Variants in PARD3B observed in about 807,000 individuals in gnomAD.
PARD3B encodes the protein par-3 family cell polarity regulator beta, also known as partitioning defective 3 homolog B.
A neutral mutation model predicts 130.2 loss-of-function variants in PARD3B; 103 were observed. That is an observed-to-expected ratio of 0.79 (90% CI 0.67 to 0.93). The LOEUF is 0.93. PARD3B is among the 40% of genes least tolerant of loss of function. The pLI is 0.00. For missense variants in PARD3B, 1,609 were observed against 1,499.2 expected (o/e 1.07, Z -1.21); for synonymous variants, 583 against 553.2 (o/e 1.05, Z -0.76).
intron 18 of PARD3B, among the ~76,000 whole-genome samples, chr2:205,327,775 T>TA (rs2042985912): frequency 6.6e-6 from 1 of 152,222 alleles, no homozygotes. Flanking sequence ...ACAGTGAATG[T>TA]AAAATACCTC....
At chr2:204,809,290 T>C (rs993983074) in intron 2 of PARD3B, among the ~76,000 whole-genome samples, 1 of 152,184 alleles carries the variant, frequency 6.6e-6, no homozygotes, top group Non-Finnish European at 1.5e-5. Flanking sequence ...TTACATCCCA[T>C]GTGTCAATTT....
intron 18 of PARD3B, among the ~76,000 whole-genome samples, chr2:205,388,002 T>A (rs1179189981): frequency 2.0e-5 from 3 of 152,154 alleles, no homozygotes; most frequent in Non-Finnish European, 4.4e-5. Context: ...GGATCCAAAA[T>A]TTATCTCATT....
chr2:205,192,651 C>T (rs1259976562), intron 14 of PARD3B, among the ~76,000 whole-genome samples: 5 of 152,156 alleles, frequency 3.3e-5, no homozygotes, highest in Non-Finnish European at 5.9e-5. Context: ...CCTATTATTT[C>T]CTTTTGGCAC....
At chr2:205,044,037 A>G (rs1423242503) in intron 3 of PARD3B, among the ~76,000 whole-genome samples, 6 of 147,260 alleles carry the variant, frequency 4.1e-5, no homozygotes, top group African/African-American at 1.0e-4. Flanking sequence ...ATTCCCACCT[A>G]TGAGTGAGAA....
At chr2:205,506,887 G>A (rs2050386029) in intron 21 of PARD3B, among the ~76,000 whole-genome samples, 1 of 152,156 alleles carries the variant, frequency 6.6e-6, no homozygotes, top group Non-Finnish European at 1.5e-5. Flanking sequence ...TTTAAAAGAA[G>A]TCCATAACCA....
At chr2:204,591,441 GATGTTCCTTT>G (rs1272392085) in intron 1 of PARD3B, among the ~76,000 whole-genome samples, 2 of 152,226 alleles carry the variant, frequency 1.3e-5, no homozygotes, top group African/African-American at 4.8e-5. Context: ...CTGCATGCCT[GATGTTCCTTT>G]ATGTTTAGCT....
chr2:205,470,799 A>G lies in PARD3B; in HGVS notation c.3045-29097A>G. Among the ~76,000 whole-genome samples the G allele has an allele frequency of 6.6e-6, 1 of 152,346 alleles. No individual in the cohort carries two copies. On this transcript the variant is annotated intron_variant, in intron 20 of 22. Transcript: ENST00000406610. This position sits in a 1 kb window ranked among gnomAD's most constrained non-coding sequence, Gnocchi z 4.8. ...AAAGTCATGTTTGACTCTATTAGGA[A>G]AAATTCTATGGAGTTTACAATAGAA...
At chr2:205,546,482 G>T (rs1456462329) in intron 21 of PARD3B, among the ~76,000 whole-genome samples, 1 of 152,082 alleles carries the variant, frequency 6.6e-6, no homozygotes, top group Non-Finnish European at 1.5e-5. Context: ...TGAAGCTGCT[G>T]ACCTTATTTT....
At chr2:204,772,964 G>A (rs2041452227) in intron 2 of PARD3B, among the ~76,000 whole-genome samples, 1 of 151,896 alleles carries the variant, frequency 6.6e-6, no homozygotes, top group African/African-American at 2.4e-5. Context: ...CCTCACCTTG[G>A]ATGCTTTATG....
intron 3 of PARD3B, among the ~76,000 whole-genome samples, chr2:205,034,387 C>T (rs1445132347): frequency 1.3e-5 from 2 of 152,106 alleles, no homozygotes; most frequent in African/African-American, 4.8e-5. Flanking sequence ...TTTAAATGTC[C>T]GTATTTATTT....
At chr2:205,246,117 C>A (rs1210421073) in intron 16 of PARD3B, among the ~76,000 whole-genome samples, 1 of 152,050 alleles carries the variant, frequency 6.6e-6, no homozygotes, top group African/African-American at 2.4e-5. Context: ...TGCAAGAAAA[C>A]CCAAGAAAGT....
At chr2:205,074,407 T>C (rs1700917015) in intron 4 of PARD3B, among the ~76,000 whole-genome samples, 2 of 152,230 alleles carry the variant, frequency 1.3e-5, no homozygotes, top group African/African-American at 4.8e-5. Flanking sequence ...AATTCTACCT[T>C]GATGGGTTTG....
intron 14 of PARD3B, among the ~76,000 whole-genome samples, chr2:205,188,228 C>T (rs1040292581): frequency 2.0e-5 from 3 of 152,188 alleles, no homozygotes; most frequent in African/African-American, 7.2e-5. Context: ...GCTCTCTAGA[C>T]AGAGAAGTGG....
At chr2:205,537,959 T>A (rs1470575710) in intron 21 of PARD3B, among the ~76,000 whole-genome samples, 3 of 152,214 alleles carry the variant, frequency 2.0e-5, no homozygotes, top group African/African-American at 4.8e-5. Flanking sequence ...GTCTGTTTTC[T>A]GTGGGTAGTT....
intron 18 of PARD3B, among the ~76,000 whole-genome samples, chr2:205,393,926 A>G (rs2045940875): frequency 6.6e-6 from 1 of 152,196 alleles, no homozygotes. Context: ...AAATAGAAAC[A>G]GAAGAAAATA....
rs1193376821 is a variant in PARD3B at position 205,460,211 on chromosome 2, C to G, written c.3044+19539C>G. On this transcript the variant is annotated intron_variant, in intron 20 of 22. Transcript: ENST00000406610. This position sits in a 1 kb window ranked among gnomAD's most constrained non-coding sequence, Gnocchi z 4.9. ...TAGACTTCAGTAGTAATTTTCAGAT[C>G]ATTTGAGTCTAAATGCAGCTTTGAG... Among the ~76,000 whole-genome samples the G allele has an allele frequency of 6.6e-6, 1 of 152,106 alleles. No individual in the cohort carries two copies. The highest frequency in any genetic ancestry group is 1.5e-5 in the Non-Finnish European group (1 of 68,020).
chr2:204,731,725 G>A (rs758281751), intron 2 of PARD3B, among the ~76,000 whole-genome samples: 4 of 152,160 alleles, frequency 2.6e-5, no homozygotes, highest in Non-Finnish European at 4.4e-5. Context: ...AATTGGGGCT[G>A]TTTGGGTTAA....
At chr2:204,976,318 T>G (rs774199789) in intron 3 of PARD3B, among the ~76,000 whole-genome samples, 13 of 152,202 alleles carry the variant, frequency 8.5e-5, no homozygotes, top group Non-Finnish European at 1.9e-4. Flanking sequence ...AATATGGCAC[T>G]GCAACTTACA....
intron 21 of PARD3B, among the ~76,000 whole-genome samples, chr2:205,501,615 C>T (rs138294465): frequency 6.6e-6 from 1 of 152,276 alleles, no homozygotes; most frequent in Non-Finnish European, 1.5e-5. Flanking sequence ...ACACCGTGTC[C>T]AGCGCATTGA....
Sources: gnomAD v4.1 joint callset for allele counts (sites outside exome capture counted in the v4.1 genomes callset) on GRCh38, gnomAD v4.1.1 for gene constraint, Gnocchi (gnomAD v3.1) non-coding constraint, MANE v1.5 for transcripts, NCBI Gene and HGNC (gene_info 2026-07-23, HGNC 2026-07-21) for gene names.